HS3ST1: variants seen among roughly 807,000 people sequenced by gnomAD.
HS3ST1 encodes heparan sulfate glucosamine 3-O-sulfotransferase 1.
HS3ST1 carries 8 observed loss-of-function variants against 20.7 expected under a neutral mutation model. The observed-to-expected ratio is 0.39, with a 90% CI of 0.23 to 0.70. HS3ST1 has a LOEUF of 0.70. Among genes scored for constraint, HS3ST1 ranks in the 30% least tolerant of loss-of-function variants. The pLI, the probability that HS3ST1 is intolerant of heterozygous loss-of-function variation, is 0.46. For synonymous variants in HS3ST1, 205 were observed against 190.4 expected (o/e 1.08, Z -0.63); for missense variants, 436 against 423.4 (o/e 1.03, Z -0.26).
intron 1 of HS3ST1, among the ~76,000 whole-genome samples, chr4:11,411,219 G>C (rs1214033316): frequency 6.6e-6 from 1 of 152,190 alleles, no homozygotes; most frequent in Admixed American, 6.5e-5. Flanking sequence ...ATGCCTGAAA[G>C]AGCTCAAGGG....
intron 1 of HS3ST1, among the ~76,000 whole-genome samples, chr4:11,406,373 C>A (rs1356757341): frequency 6.6e-6 from 1 of 152,180 alleles, no homozygotes; most frequent in Non-Finnish European, 1.5e-5. Flanking sequence ...CTCTGGGTCT[C>A]CACATTCCCC....
intron 1 of HS3ST1, among the ~76,000 whole-genome samples, chr4:11,410,793 G>C (rs1413078127): frequency 6.6e-6 from 1 of 152,180 alleles, no homozygotes; most frequent in East Asian, 1.9e-4. Context: ...TCAGGAGGCT[G>C]AGGCAGGAGA....
chr4:11,409,813 A>G (rs937280975), intron 1 of HS3ST1, among the ~76,000 whole-genome samples: 1 of 152,166 alleles, frequency 6.6e-6, no homozygotes, highest in African/African-American at 2.4e-5. Context: ...TAGGCAAGTG[A>G]CATCTATGTA....
At chr4:11,420,777 G>T (rs1210391478) in intron 1 of HS3ST1, among the ~76,000 whole-genome samples, 2 of 152,128 alleles carry the variant, frequency 1.3e-5, no homozygotes, top group Non-Finnish European at 2.9e-5. Flanking sequence ...TTGTTTGATT[G>T]TTCTGTTGCT....
At chr4:11,402,772 A>G (rs1409549598) in intron 1 of HS3ST1, among the ~76,000 whole-genome samples, 1 of 152,216 alleles carries the variant, frequency 6.6e-6, no homozygotes, top group East Asian at 1.9e-4. Flanking sequence ...TGAAATTCAT[A>G]TTATCTGACT....
At chr4:11,413,495 C>A (rs1718689673) in intron 1 of HS3ST1, among the ~76,000 whole-genome samples, 2 of 152,104 alleles carry the variant, frequency 1.3e-5, no homozygotes, top group Admixed American at 6.6e-5. Flanking sequence ...AATGGAGAAG[C>A]AAACTTTGTA....
At chr4:11,402,105 A>C (rs1238757849) in intron 1 of HS3ST1, among the ~76,000 whole-genome samples, 1 of 152,226 alleles carries the variant, frequency 6.6e-6, no homozygotes, top group African/African-American at 2.4e-5. Context: ...TTACTTCATT[A>C]GTTTAAAACT....
At chr4:11,428,028 C>T (rs1018085434) in intron 1 of HS3ST1, among the ~76,000 whole-genome samples, 1 of 152,204 alleles carries the variant, frequency 6.6e-6, no homozygotes, top group Non-Finnish European at 1.5e-5. Context: ...CACCTCCATC[C>T]GCTGCCACTA....
At chr4:11,416,584 T>C (rs1228133213) in intron 1 of HS3ST1, among the ~76,000 whole-genome samples, 1 of 152,140 alleles carries the variant, frequency 6.6e-6, no homozygotes, top group Non-Finnish European at 1.5e-5. Context: ...CCCATGAGGG[T>C]TGGTGGCAGG....
intron 1 of HS3ST1, among the ~76,000 whole-genome samples, chr4:11,419,627 G>A (rs1221294081): frequency 6.6e-6 from 1 of 151,944 alleles, no homozygotes; most frequent in African/African-American, 2.4e-5. Context: ...TTGTATCCTG[G>A]AACTTAAAGT....
rs78698507 is a variant in HS3ST1 at position 11,413,381 on chromosome 4, G to C, written c.-108-13268C>G. The stretch of plus-strand genomic sequence containing the variant: ...AGGTATGGACGATTGGGAGTGAGTA[G>C]AATTGCTTAGGAAAAGAGCCGAGGA... On this transcript the variant is annotated intron_variant, in intron 1 of 1. Coordinates refer to ENST00000002596, the MANE Select transcript of HS3ST1 (RefSeq NM_005114.4). Among the ~76,000 whole-genome samples the C allele has an allele frequency of 9.9e-3, 1,506 of 152,064 alleles. 21 individuals are homozygous for C. The highest frequency in any genetic ancestry group is 0.035 in the African/African-American group (1,455 of 41,452).
chr4:11,425,869 C>CT (rs1474751336), intron 1 of HS3ST1, among the ~76,000 whole-genome samples: 1 of 152,156 alleles, frequency 6.6e-6, no homozygotes, highest in Non-Finnish European at 1.5e-5. Flanking sequence ...AGCTAGCACT[C>CT]TCCTGCCTTC....
rs1222552964 is a variant in HS3ST1, at chr4:11,394,009, A to G, written c.*5073T>C. 2.0e-5 allele frequency: 3 copies of G among 152,262 alleles called. No individual in the cohort carries two copies. The highest frequency in any genetic ancestry group is 7.2e-5 in the African/African-American group (3 of 41,462). The allele number at this position is 152,262 out of a possible 1,614,324, so 9.4% of individuals were successfully genotyped here. A position where few individuals can be genotyped will look rare whatever the true frequency, so the allele number is the denominator to read the frequency against. On this transcript the variant is annotated 3_prime_UTR_variant, in exon 2 of 2. Transcript: ENST00000002596. ...AGCTACAGTCACATAGCTGGGAAGCAGAGGAGGAAAAAAGGCAGCGCATTT... is the reference window on the plus strand; with the variant it reads ...AGCTACAGTCACATAGCTGGGAAGCGGAGGAGGAAAAAAGGCAGCGCATTT...
chr4:11,426,178 A>G (rs1041904750), intron 1 of HS3ST1, among the ~76,000 whole-genome samples: 1 of 152,114 alleles, frequency 6.6e-6, no homozygotes, highest in African/African-American at 2.4e-5. Flanking sequence ...GCCCCCATAG[A>G]CAGACATGAT....
intron 1 of HS3ST1, among the ~76,000 whole-genome samples, chr4:11,417,714 A>G (rs1229200120): frequency 1.3e-5 from 2 of 152,234 alleles, no homozygotes; most frequent in African/African-American, 4.8e-5. Context: ...ATTAACATAG[A>G]GAAATATTGC....
At chr4:11,420,662 G>A (rs1015971564) in intron 1 of HS3ST1, among the ~76,000 whole-genome samples, 11 of 152,212 alleles carry the variant, frequency 7.2e-5, no homozygotes, top group African/African-American at 2.7e-4. Context: ...TCTGGCTTGT[G>A]CTTTGGTGAC....
intron 1 of HS3ST1, among the ~76,000 whole-genome samples, chr4:11,413,252 G>GT: frequency 6.6e-6 from 1 of 152,288 alleles, no homozygotes; most frequent in South Asian, 2.1e-4. Flanking sequence ...CCTGGGGCAT[G>GT]TGGTGGGATA....
At chr4:11,415,904 A>T (rs953635969) in intron 1 of HS3ST1, among the ~76,000 whole-genome samples, 31 of 152,160 alleles carry the variant, frequency 2.0e-4, no homozygotes, top group Non-Finnish European at 1.5e-4. Context: ...ATGCAGAGAG[A>T]GTGCTTCTGC....
intron 1 of HS3ST1, among the ~76,000 whole-genome samples, chr4:11,409,057 G>A (rs547908518): frequency 6.6e-6 from 1 of 152,320 alleles, no homozygotes; most frequent in South Asian, 2.1e-4. Flanking sequence ...TCATTTTGCA[G>A]ATAGACAAAC....
Sources: allele counts gnomAD v4.1 joint callset (sites outside exome capture counted in the v4.1 genomes callset), GRCh38; gene constraint gnomAD v4.1.1; transcripts MANE v1.5; gene names NCBI Gene and HGNC (gene_info 2026-07-23, HGNC 2026-07-21).